Variants in PCDHGA6 observed in about 807,000 individuals in gnomAD.
The protein encoded by PCDHGA6 is protocadherin gamma-A6.
Under a neutral mutation model 60.6 loss-of-function variants are expected in PCDHGA6, and 41 were observed. That is an observed-to-expected ratio of 0.68 (90% CI 0.53 to 0.88). The LOEUF (loss-of-function observed/expected upper bound fraction) is 0.88, where lower values mean the gene tolerates loss of function less well. Among genes scored for constraint, PCDHGA6 ranks in the 40% least tolerant of loss-of-function variants. The pLI, the probability that PCDHGA6 is intolerant of heterozygous loss-of-function variation, is 0.00. For synonymous variants in PCDHGA6, 594 were observed against 524.4 expected, an observed-to-expected ratio of 1.13 and a Z score of -1.81; for missense variants, 1,312 against 1,203.0, an observed-to-expected ratio of 1.09 and a Z score of -1.34.
At chr5:141,398,256 G>C in intron 1 of PCDHGA6, 3 of 1,460,296 alleles carry the variant, frequency 2.1e-6, no homozygotes, top group Non-Finnish European at 9.3e-7. Flanking sequence ...AAATGCCCAA[G>C]GGCTCCGTAG....
At chr5:141,501,583 T>C (rs1270487304) in intron 2 of PCDHGA6, among the ~76,000 whole-genome samples, 1 of 152,054 alleles carries the variant, frequency 6.6e-6, no homozygotes, top group Non-Finnish European at 1.5e-5. Context: ...GGCTTTCAGG[T>C]TGCAACTCTA....
At position 141,511,199 on chromosome 5, in the gene PCDHGA6, G is replaced by C. The variant is rs1303066281; in HGVS notation, c.*26G>C. On this transcript the variant is annotated 3_prime_UTR_variant, in exon 4 of 4. Coordinates refer to ENST00000517434, the MANE Select transcript of PCDHGA6 (RefSeq NM_018919.3). The stretch of plus-strand genomic sequence containing the variant: ...CATGGAGGCCAGGCCAAGAGCCACA[G>C]GGCGGCCTCTCCCCAACCAGCCCAG... 6.2e-6 allele frequency: 10 copies of C among 1,612,868 alleles called. No individual in the cohort carries two copies. In the East Asian group the frequency reaches 2.2e-4, roughly 36 times the overall value.
intron 1 of PCDHGA6, chr5:141,414,112 T>C (rs967826724): frequency 1.3e-6 from 2 of 1,592,428 alleles, no homozygotes; most frequent in African/African-American, 2.7e-5. Context: ...AAATCTAGAT[T>C]ATGAAGAAAC....
chr5:141,439,150 G>A (rs971023726), intron 1 of PCDHGA6, among the ~76,000 whole-genome samples: 7 of 149,122 alleles, frequency 4.7e-5, no homozygotes, highest in South Asian at 2.1e-4. Flanking sequence ...CTGAGATCAC[G>A]CCACTGCACT....
At chr5:141,404,807 G>A (rs1226563047) in intron 1 of PCDHGA6, 1 of 1,613,924 alleles carries the variant, frequency 6.2e-7, no homozygotes, top group Non-Finnish European at 8.5e-7. Flanking sequence ...GCTCTTCTCG[G>A]TGGGGCTGCA....
chr5:141,451,597 C>A (rs2098719892), intron 1 of PCDHGA6, among the ~76,000 whole-genome samples: 1 of 152,076 alleles, frequency 6.6e-6, no homozygotes, highest in Admixed American at 6.6e-5. Context: ...AAGTGACATA[C>A]AAGGCTAGGC....
intron 1 of PCDHGA6, among the ~76,000 whole-genome samples, chr5:141,470,417 T>A (rs1482173610): frequency 6.6e-6 from 1 of 152,226 alleles, no homozygotes; most frequent in East Asian, 1.9e-4. Context: ...ATTTTATGTA[T>A]TTTTTCCTTG....
rs372798366 is a variant in PCDHGA6 at position 141,375,511 on chromosome 5, A to G, written c.1428A>G (p.Ala476=). The G allele has an allele frequency of 4.3e-5, 69 of 1,613,842 alleles. No individual in the cohort carries two copies. The highest frequency in any genetic ancestry group is 5.4e-5 in the Non-Finnish European group (64 of 1,179,916). The change falls in exon 1 of 4, where the codon GCA becomes GCG. Residue 476 remains alanine (A), a synonymous_variant. Transcript: ENST00000517434. ...GTGCCTCCATCTTCTCTGTGAATGC[A>G]CTGGACCCTGACGTGGACCAGAACG... ...PRGASIFSVN[A]LDPDVDQNAQ... is the part of the protein sequence containing the mutation.
intron 1 of PCDHGA6, chr5:141,383,909 T>A: frequency 6.2e-7 from 1 of 1,613,856 alleles, no homozygotes; most frequent in Non-Finnish European, 8.5e-7. Context: ...CTGATCACAG[T>A]TTTAGATGTA....
At chr5:141,478,444 T>C (rs1190996745) in intron 1 of PCDHGA6, 1 of 1,613,478 alleles carries the variant, frequency 6.2e-7, no homozygotes, top group Non-Finnish European at 8.5e-7. Flanking sequence ...TGAAGAAACC[T>C]GGTGCAGCCA....
intron 1 of PCDHGA6, chr5:141,408,161 C>T: frequency 2.0e-6 from 3 of 1,517,698 alleles, no homozygotes; most frequent in Non-Finnish European, 2.7e-6. Context: ...TGCACTTTCT[C>T]CAACTGGAAA....
At chr5:141,426,586 G>A (rs2096944939) in intron 1 of PCDHGA6, 1 of 363,442 alleles carries the variant, frequency 2.8e-6, no homozygotes, top group African/African-American at 2.1e-5. Flanking sequence ...AAAATCCTCT[G>A]TGTCATACCC....
intron 1 of PCDHGA6, chr5:141,395,033 T>G: frequency 6.2e-7 from 1 of 1,614,140 alleles, no homozygotes; most frequent in Non-Finnish European, 8.5e-7. Context: ...CCTCACATTT[T>G]GTGGGTGTTG....
Position 141,511,151 on chromosome 5 carries a change from C to G in PCDHGA6, c.2777C>G (p.Ser926Trp). The change falls in exon 4 of 4, where the codon TCG becomes TGG. Residue 926 changes from serine (S) to tryptophan (W), a missense_variant. Transcript: ENST00000517434. ...PAGGNGNKKK[S>W]GKKEKK ...GGTGGCAATGGCAACAAGAAGAAGTCGGGCAAGAAGGAGAAGAAGTAACAT... is the reference window on the plus strand; with the variant it reads ...GGTGGCAATGGCAACAAGAAGAAGTGGGGCAAGAAGGAGAAGAAGTAACAT... The G allele has an allele frequency of 6.2e-7, 1 of 1,614,152 alleles. No individual in the cohort carries two copies. Among genetic ancestry groups the G allele is most frequent in the Non-Finnish European group, 8.5e-7 (1 of 1,179,994 alleles).
At chr5:141,426,521 C>T (rs184198267) in intron 1 of PCDHGA6, 14 of 341,908 alleles carry the variant, frequency 4.1e-5, no homozygotes, top group Admixed American at 7.6e-5. Flanking sequence ...ACCGTGAACA[C>T]GGAGAATGGG....
chr5:141,410,065 G>C, intron 1 of PCDHGA6: 1 of 1,612,938 alleles, frequency 6.2e-7, no homozygotes, highest in South Asian at 1.1e-5. Context: ...GCCTGGGGCT[G>C]CGCACTGGGG....
At chr5:141,415,740 G>GTTTTTTTTTTTTTTTTTGTTTTT (rs2095912994) in intron 1 of PCDHGA6, 1 of 515,998 alleles carries the variant, frequency 1.9e-6, no homozygotes. Flanking sequence ...GTTTATTAAG[G>GTTTTTTTTTTTTTTTTTGTTTTT]TTTTTTTTTT....
intron 1 of PCDHGA6, chr5:141,423,100 G>C (rs2096709499): frequency 6.2e-7 from 1 of 1,613,944 alleles, no homozygotes; most frequent in Non-Finnish European, 8.5e-7. Context: ...GGAGCACACG[G>C]GCGAGGTGCG....
chr5:141,422,987 A>AG, intron 1 of PCDHGA6: 1 of 1,614,168 alleles, frequency 6.2e-7, no homozygotes. Context: ...GAACCTGGCT[A>AG]CCTGGTGACC....
Sources: gnomAD v4.1 joint callset for allele counts (sites outside exome capture counted in the v4.1 genomes callset) on GRCh38, gnomAD v4.1.1 for gene constraint, MANE v1.5 for transcripts, NCBI Gene and HGNC (gene_info 2026-07-23, HGNC 2026-07-21) for gene names.